NRG3: variants seen among roughly 807,000 people sequenced by gnomAD.
NRG3 encodes the protein pro-neuregulin-3, membrane-bound isoform.
Under a neutral mutation model 66.9 loss-of-function variants are expected in NRG3, and 31 were observed. The ratio of observed to expected loss-of-function variants is 0.46; its 90% CI spans 0.35 to 0.63. The LOEUF is 0.63. NRG3 is among the 20% of genes least tolerant of loss of function. The pLI is 0.00. For synonymous variants in NRG3, 393 were observed against 359.4 expected, an observed-to-expected ratio of 1.09 and a Z score of -1.06; for missense variants, 910 against 878.9, an observed-to-expected ratio of 1.04 and a Z score of -0.45.
chr10:82,107,341 G>A (rs147475185), intron 1 of NRG3, among the ~76,000 whole-genome samples: 43 of 152,164 alleles, frequency 2.8e-4, no homozygotes, highest in Non-Finnish European at 4.4e-5. Context: ...TGCTAAGGAA[G>A]TCATAAATAG....
In NRG3 at chr10:82,216,280, C is replaced by CT. The variant is rs899137307; in HGVS notation, c.824-142450dup. 2.5e-3 allele frequency among the ~76,000 whole-genome samples: 378 copies of CT among 150,158 alleles called. 2 individuals are homozygous for CT. Among genetic ancestry groups the CT allele is most frequent in the African/African-American group, 8.6e-3 (353 of 40,980 alleles). ...ACATGCACGAACCACTGCGCCTGGC[C>CT]TTTTTTTTTATGTTTTCTACACAAG... On this transcript the variant is annotated intron_variant, in intron 1 of 8. Transcript: ENST00000372141.
chr10:82,013,665 G>T (rs1057231573), intron 1 of NRG3, among the ~76,000 whole-genome samples: 1 of 151,548 alleles, frequency 6.6e-6, no homozygotes, highest in African/African-American at 2.4e-5. Flanking sequence ...CTTTAAAAAA[G>T]GACTTTTTAT....
At chr10:82,903,231 G>A (rs1844403758) in intron 4 of NRG3, among the ~76,000 whole-genome samples, 1 of 152,118 alleles carries the variant, frequency 6.6e-6, no homozygotes, top group East Asian at 1.9e-4. Context: ...GTTGCTTCTT[G>A]TTGCTATCGT....
intron 2 of NRG3, among the ~76,000 whole-genome samples, chr10:82,669,766 A>C (rs2053104135): frequency 6.6e-6 from 1 of 151,972 alleles, no homozygotes; most frequent in Admixed American, 6.6e-5. Context: ...GTCTCTACTA[A>C]AAATACAAAA....
chr10:82,485,195 C>T (rs913729547), intron 2 of NRG3, among the ~76,000 whole-genome samples: 2 of 151,970 alleles, frequency 1.3e-5, no homozygotes, highest in African/African-American at 4.8e-5. Flanking sequence ...AACTGTGTCC[C>T]CACTATAACC....
chr10:82,982,012 G>A (rs777551209), intron 8 of NRG3, among the ~76,000 whole-genome samples: 5 of 152,148 alleles, frequency 3.3e-5, no homozygotes, highest in Non-Finnish European at 5.9e-5. Context: ...CTAGCCCAAA[G>A]TGACATACAC....
chr10:82,247,435 G>C (rs2077293443), intron 1 of NRG3, among the ~76,000 whole-genome samples: 1 of 151,904 alleles, frequency 6.6e-6, no homozygotes. Flanking sequence ...TTTTATAAAG[G>C]CTCTAATTCT....
intron 4 of NRG3, among the ~76,000 whole-genome samples, chr10:82,897,628 C>T (rs1843786254): frequency 6.6e-6 from 1 of 152,122 alleles, no homozygotes; most frequent in Non-Finnish European, 1.5e-5. Flanking sequence ...AAGTGATTCT[C>T]CTGCCTCAGC....
intron 2 of NRG3, among the ~76,000 whole-genome samples, chr10:82,559,052 C>T (rs2044851918): frequency 6.6e-6 from 1 of 152,138 alleles, no homozygotes; most frequent in African/African-American, 2.4e-5. Flanking sequence ...TTTGTTTGTG[C>T]ATATGCATAT....
intron 2 of NRG3, among the ~76,000 whole-genome samples, chr10:82,606,855 A>G (rs2047997932): frequency 6.6e-6 from 1 of 152,074 alleles, no homozygotes; most frequent in African/African-American, 2.4e-5. Context: ...GAAAACCCCC[A>G]CCAAGGAAGT....
chr10:82,368,385 C>T lies in NRG3; in HGVS notation c.953+9517C>T, dbSNP rs137887295. 6.5e-5 allele frequency among the ~76,000 whole-genome samples: 9 copies of T among 138,622 alleles called. 1 individual carries two copies. Among genetic ancestry groups the T allele is most frequent in the Admixed American group, 4.8e-4 (7 of 14,692 alleles). 90.9% of individuals were successfully genotyped at this position (138,622 alleles called of 152,430 possible). ...ATTTAAAAACACAATAATACCAGAT[C>T]GTGCACAAGAACACATTTTAGAATC... On this transcript the variant is annotated intron_variant, in intron 2 of 8. Transcript: ENST00000372141.
At chr10:82,189,344 T>C (rs2073998485) in intron 1 of NRG3, among the ~76,000 whole-genome samples, 1 of 152,140 alleles carries the variant, frequency 6.6e-6, no homozygotes, top group African/African-American at 2.4e-5. Flanking sequence ...TTAATAAATG[T>C]GTGTGTTGTT....
chr10:82,971,667 C>A (rs571833950), intron 6 of NRG3, among the ~76,000 whole-genome samples: 3 of 152,054 alleles, frequency 2.0e-5, no homozygotes, highest in African/African-American at 7.2e-5. Flanking sequence ...AAACTTCTGA[C>A]CTCAGGTGAT....
intron 1 of NRG3, among the ~76,000 whole-genome samples, chr10:82,040,155 A>C (rs902266705): frequency 6.6e-6 from 1 of 152,094 alleles, no homozygotes; most frequent in Non-Finnish European, 1.5e-5. Flanking sequence ...ATTTCGTTTT[A>C]ATACATTTTG....
intron 1 of NRG3, among the ~76,000 whole-genome samples, chr10:81,993,063 G>A (rs943624080): frequency 2.0e-4 from 30 of 151,956 alleles, no homozygotes; most frequent in Non-Finnish European, 1.2e-4. Flanking sequence ...CTATTTGAAC[G>A]ATAAGAAGTT....
chr10:82,711,627 T>C (rs1169561131), intron 2 of NRG3, among the ~76,000 whole-genome samples: 2 of 152,062 alleles, frequency 1.3e-5, no homozygotes, highest in African/African-American at 2.4e-5. Context: ...CCTATGATCC[T>C]TTGTGTATGG....
At chr10:82,716,591 A>G (rs968224518) in intron 2 of NRG3, among the ~76,000 whole-genome samples, 7 of 152,002 alleles carry the variant, frequency 4.6e-5, no homozygotes, top group African/African-American at 1.7e-4. Flanking sequence ...CTAAACAGTG[A>G]CCCCTGATAA....
intron 3 of NRG3, among the ~76,000 whole-genome samples, chr10:82,859,731 C>T (rs1046492675): frequency 2.6e-5 from 4 of 152,154 alleles, no homozygotes; most frequent in South Asian, 2.1e-4. Context: ...TATTTGCTAA[C>T]AGAATACATT....
intron 1 of NRG3, among the ~76,000 whole-genome samples, chr10:81,922,524 C>G (rs775187330): frequency 9.2e-5 from 14 of 152,154 alleles, no homozygotes; most frequent in Non-Finnish European, 1.9e-4. Context: ...CTTTTCGTTT[C>G]TGAGTTATTT....
Sources: gnomAD v4.1 joint callset for allele counts (sites outside exome capture counted in the v4.1 genomes callset) on GRCh38, gnomAD v4.1.1 for gene constraint, MANE v1.5 for transcripts, NCBI Gene and HGNC (gene_info 2026-07-23, HGNC 2026-07-21) for gene names.